Variants in RNLS observed in about 807,000 individuals in gnomAD.
RNLS encodes the protein renalase.
RNLS carries 39 observed loss-of-function variants against 39.8 expected under a neutral mutation model. That is an observed-to-expected ratio of 0.98 (90% CI 0.76 to 1.28). The LOEUF is 1.28. RNLS is among the 50% of genes most tolerant of loss of function. The pLI, the probability that RNLS is intolerant of heterozygous loss-of-function variation, is 0.00. For synonymous variants in RNLS, 147 were observed against 150.7 expected (o/e 0.98, Z 0.18); for missense variants, 410 against 413.3 (o/e 0.99, Z 0.07).
intron 4 of RNLS, among the ~76,000 whole-genome samples, chr10:88,429,505 A>G (rs369269888): frequency 7.8e-4 from 119 of 152,010 alleles, no homozygotes; most frequent in African/African-American, 2.7e-3. Flanking sequence ...AGGTGGCTGG[A>G]GTCATTTCCT....
downstream of RNLS, among the ~76,000 whole-genome samples, chr10:88,280,924 T>C: frequency 1.3e-5 from 2 of 152,198 alleles, 1 homozygote; most frequent in East Asian, 3.8e-4. Context: ...TCAACCAGCC[T>C]TTTACATTAA....
chr10:88,330,165 T>G lies in RNLS; in HGVS notation c.701-15524A>C, dbSNP rs572780819. On this transcript the variant is annotated intron_variant, in intron 5 of 6. Coordinates refer to ENST00000331772, the MANE Select transcript of RNLS (RefSeq NM_001031709.3). ...TTATATTATCTCTCTCTATATATAT[T>G]TCTTTATATATGTTTATTTATAATA... Among the ~76,000 whole-genome samples the G allele has an allele frequency of 6.0e-5, 9 of 149,482 alleles. No individual in the cohort carries two copies. In the South Asian group the frequency reaches 1.9e-3, roughly 31 times the overall value.
intron 4 of RNLS, among the ~76,000 whole-genome samples, chr10:88,509,335 T>G (rs1845961984): frequency 6.6e-6 from 1 of 152,054 alleles, no homozygotes; most frequent in African/African-American, 2.4e-5. Context: ...GGACTGCATG[T>G]ATCTTGTTCC....
At chr10:88,355,068 G>A (rs1235835002) in intron 5 of RNLS, among the ~76,000 whole-genome samples, 1 of 152,076 alleles carries the variant, frequency 6.6e-6, no homozygotes, top group Admixed American at 6.6e-5. Flanking sequence ...GCTCCATCAG[G>A]TCCTTTAAGG....
chr10:88,225,762 GTTGCT>G, the RNLS span, among the ~76,000 whole-genome samples: 1 of 152,172 alleles, frequency 6.6e-6, no homozygotes, highest in African/African-American at 2.4e-5. Context: ...CCAATATAGG[GTTGCT>G]AATGTATTAT....
the RNLS span, among the ~76,000 whole-genome samples, chr10:88,198,309 T>C: frequency 1.3e-5 from 2 of 152,194 alleles, no homozygotes; most frequent in Non-Finnish European, 2.9e-5. Context: ...GAGGCAAGCA[T>C]GTGGCCTGTG....
intron 4 of RNLS, among the ~76,000 whole-genome samples, chr10:88,372,130 C>G (rs113056526): frequency 2.5e-3 from 379 of 152,214 alleles, no homozygotes; most frequent in Non-Finnish European, 3.7e-3. Context: ...CGTGATTAAA[C>G]AGGTGATCCT....
At chr10:88,203,450 GTGTGTGTATATATATATATATA>G in the RNLS span, among the ~76,000 whole-genome samples, 2 of 18,364 alleles carry the variant, frequency 1.1e-4, no homozygotes, top group East Asian at 1.4e-3. Context: ...GTGTGTGTGT[GTGTGTGTATATATATATATATA>G]TATATATATA....
chr10:88,451,304 C>T (rs1733884111), intron 4 of RNLS, among the ~76,000 whole-genome samples: 1 of 152,224 alleles, frequency 6.6e-6, no homozygotes, highest in Admixed American at 6.5e-5. Context: ...TTTTATTCAC[C>T]AGAATTTGTA....
At chr10:88,266,126 GC>G in the RNLS span, among the ~76,000 whole-genome samples, 3,399 of 152,260 alleles carry the variant, frequency 0.022, 136 homozygotes, top group African/African-American at 0.078. Context: ...AATTCTGAGT[GC>G]TTTTTTACCA....
At chr10:88,540,289 G>A (rs1159718683) in intron 4 of RNLS, among the ~76,000 whole-genome samples, 1 of 152,008 alleles carries the variant, frequency 6.6e-6, no homozygotes, top group African/African-American at 2.4e-5. Context: ...AGTAAAACAA[G>A]GCATCCACTA....
intron 4 of RNLS, among the ~76,000 whole-genome samples, chr10:88,568,450 T>C (rs1182742152): frequency 6.6e-6 from 1 of 152,166 alleles, no homozygotes; most frequent in Non-Finnish European, 1.5e-5. Context: ...CACTGAATTG[T>C]ACATTTTAGA....
chr10:88,411,264 C>A (rs1853638435), intron 4 of RNLS, among the ~76,000 whole-genome samples: 1 of 151,998 alleles, frequency 6.6e-6, no homozygotes, highest in African/African-American at 2.4e-5. Context: ...TCTGAAAATG[C>A]AATTTTCAGA....
At chr10:88,468,159 TAGAG>T (rs914356014) in intron 4 of RNLS, among the ~76,000 whole-genome samples, 8 of 152,178 alleles carry the variant, frequency 5.3e-5, no homozygotes, top group Admixed American at 3.9e-4. Flanking sequence ...TTAACCTCCT[TAGAG>T]AGCAAAAAGT....
downstream of RNLS, among the ~76,000 whole-genome samples, chr10:88,270,273 G>A (rs375153506): frequency 6.6e-6 from 1 of 152,178 alleles, no homozygotes. Context: ...TCCTAGTGCG[G>A]TCAAGTGCAG....
At chr10:88,487,153 G>A (rs772750189) in intron 4 of RNLS, among the ~76,000 whole-genome samples, 1 of 152,064 alleles carries the variant, frequency 6.6e-6, no homozygotes, top group Admixed American at 6.6e-5. Context: ...GCTAAATGAC[G>A]CAAATTCACG....
chr10:88,241,913 GTC>G, the RNLS span, among the ~76,000 whole-genome samples: 1 of 151,984 alleles, frequency 6.6e-6, no homozygotes, highest in South Asian at 2.1e-4. Flanking sequence ...TTCTCTCTCT[GTC>G]TCTCTGTCTC....
intron 4 of RNLS, among the ~76,000 whole-genome samples, chr10:88,482,704 T>C (rs1024939405): frequency 1.3e-5 from 2 of 152,186 alleles, no homozygotes; most frequent in Non-Finnish European, 2.9e-5. Context: ...TTACACTTTC[T>C]AGTTTCTTTG....
chr10:88,428,644 A>G (rs1854955377), intron 4 of RNLS, among the ~76,000 whole-genome samples: 1 of 151,508 alleles, frequency 6.6e-6, no homozygotes, highest in Non-Finnish European at 1.5e-5. Context: ...CCAGAGATCC[A>G]TTACTTTACC....
Sources: allele counts gnomAD v4.1 joint callset (sites outside exome capture counted in the v4.1 genomes callset), GRCh38; gene constraint gnomAD v4.1.1; transcripts MANE v1.5; gene names NCBI Gene and HGNC (gene_info 2026-07-23, HGNC 2026-07-21).